PAX8: variants seen among roughly 807,000 people sequenced by gnomAD.
PAX8 encodes the protein paired box protein Pax-8.
A neutral mutation model predicts 52.4 loss-of-function variants in PAX8; 15 were observed. The ratio of observed to expected loss-of-function variants is 0.29; its 90% CI spans 0.19 to 0.44. The LOEUF (loss-of-function observed/expected upper bound fraction) is 0.44, where lower values mean the gene tolerates loss of function less well. Among genes scored for constraint, PAX8 ranks in the 20% least tolerant of loss-of-function variants. PAX8 has a pLI of 1.00. For missense variants in PAX8, 554 were observed against 602.5 expected (o/e 0.92, Z 0.84); for synonymous variants, 284 against 249.7 (o/e 1.14, Z -1.29).
rs778591129 is a variant in PAX8 at position 113,242,656 on chromosome 2, G to A, written c.478+34C>T. On this transcript the variant is annotated intron_variant, in intron 5 of 11. Transcript: ENST00000429538. The stretch of plus-strand genomic sequence containing the variant: ...TATGCTGAAGGGGAGGTGTACACGA[G>A]CATGTGTGTGTATCCAGGTCTCTCA... 40 of 1,417,550 alleles carry A rather than the reference G, an allele frequency of 2.8e-5. 1 individual carries two copies. In the East Asian group the frequency reaches 8.4e-4, roughly 30 times the overall value. 87.8% of individuals were successfully genotyped at this position (1,417,550 alleles called of 1,614,324 possible). A position where few individuals can be genotyped will look rare whatever the true frequency, so the allele number is the denominator to read the frequency against.
intron 2 of PAX8, among the ~76,000 whole-genome samples, chr2:113,251,541 G>A (rs1227284195): frequency 6.6e-6 from 1 of 152,148 alleles, no homozygotes; most frequent in Admixed American, 6.6e-5. Flanking sequence ...GTACTCAGAC[G>A]GGAAATGCAA....
intron 2 of PAX8, among the ~76,000 whole-genome samples, chr2:113,251,985 G>T (rs1410969855): frequency 6.6e-6 from 1 of 152,200 alleles, no homozygotes; most frequent in Admixed American, 6.5e-5. Flanking sequence ...GTTTACATTG[G>T]TTATGGTTGT....
intron 7 of PAX8, chr2:113,240,317 C>T (rs967731173): frequency 1.0e-4 from 16 of 152,406 alleles, no homozygotes; most frequent in African/African-American, 3.8e-4. Context: ...TGCAGATTGC[C>T]TGCCCAGCTG....
rs545986035 is a variant in PAX8 at position 113,276,964 on chromosome 2, G to A, written c.25+1406C>T. Among the ~76,000 whole-genome samples, 11 of 152,350 alleles carry A rather than the reference G, an allele frequency of 7.2e-5. No homozygotes were observed. In the South Asian group the frequency reaches 2.1e-3, roughly 29 times the overall value. On this transcript the variant is annotated intron_variant, in intron 2 of 11. Coordinates refer to ENST00000429538, the MANE Select transcript of PAX8 (RefSeq NM_003466.4). ...ATGTCTGGTATCGTACCACGGTTTG[G>A]CTAAAGATTAAGGGACTAAAACCTG...
chr2:113,223,728 C>T (rs1689388399), intron 10 of PAX8, among the ~76,000 whole-genome samples: 1 of 152,216 alleles, frequency 6.6e-6, no homozygotes, highest in Non-Finnish European at 1.5e-5. Flanking sequence ...ATTGTCTTCA[C>T]AGACAATAAA....
chr2:113,266,240 A>G (rs1693046061), intron 2 of PAX8: 1 of 152,054 alleles, frequency 6.6e-6, no homozygotes, highest in South Asian at 2.1e-4. Context: ...TGGGATGGAA[A>G]CCTCAGGGGT....
intron 2 of PAX8, among the ~76,000 whole-genome samples, chr2:113,251,660 T>C (rs1349463283): frequency 6.6e-6 from 1 of 152,186 alleles, no homozygotes; most frequent in African/African-American, 2.4e-5. Flanking sequence ...AAAGTGACCA[T>C]TCAGGGAGGT....
intron 2 of PAX8, 27 bp downstream of exon 2, chr2:113,278,343 G>A (rs912893310): frequency 6.5e-7 from 1 of 1,537,096 alleles, no homozygotes; most frequent in African/African-American, 1.4e-5. Context: ...CGGGGGCTCG[G>A]GGATCCTGAC....
chr2:113,271,116 T>TCCCAAA (rs1269454158), intron 2 of PAX8: 1 of 152,280 alleles, frequency 6.6e-6, no homozygotes, highest in African/African-American at 2.4e-5. Context: ...GCAGAGGGGA[T>TCCCAAA]GAACCTAAGC....
In PAX8 at chr2:113,226,010, G is replaced by A. The variant is rs1043423413; in HGVS notation, c.1189+1145C>T. 13 of 985,502 alleles carry A rather than the reference G, an allele frequency of 1.3e-5. No individual in the cohort carries two copies. The East Asian group carries it at 4.5e-4, about 34-fold the overall frequency. 61.0% of individuals were successfully genotyped at this position (985,502 alleles called of 1,614,324 possible). A position where few individuals can be genotyped will look rare whatever the true frequency, so the allele number is the denominator to read the frequency against. The stretch of plus-strand genomic sequence containing the variant: ...GGAGTCAGTATTCTGTATTTTCAAC[G>A]CTGCATTAAGCACATCGCCACGGTA... On this transcript the variant is annotated intron_variant, in intron 10 of 11. Coordinates refer to ENST00000429538, the MANE Select transcript of PAX8 (RefSeq NM_003466.4).
chr2:113,278,256 C>A (rs1693970441), intron 2 of PAX8, 114 bp downstream of exon 2: 16 of 857,750 alleles, frequency 1.9e-5, no homozygotes, highest in East Asian at 1.9e-4. Flanking sequence ...GGTCCCCACG[C>A]GGGTGGGTCC....
chr2:113,249,167 G>C (rs1691569190), intron 2 of PAX8, among the ~76,000 whole-genome samples: 1 of 152,264 alleles, frequency 6.6e-6, no homozygotes, highest in African/African-American at 2.4e-5. Flanking sequence ...TCTCCACTAG[G>C]GCTGGAAGAG....
At chr2:113,256,275 G>T (rs889303676) in intron 2 of PAX8, among the ~76,000 whole-genome samples, 3 of 152,222 alleles carry the variant, frequency 2.0e-5, no homozygotes, top group Admixed American at 2.0e-4. Flanking sequence ...CTGCTCCTCA[G>T]CCTGGAGGAA....
chr2:113,227,290 C>A (rs765012301), intron 9 of PAX8, 34 bp from the exon 10 acceptor site: 1 of 1,517,820 alleles, frequency 6.6e-7, no homozygotes, highest in African/African-American at 1.4e-5. Flanking sequence ...GTCAGTTGGA[C>A]CATGGGGGCT....
In PAX8 at chr2:113,236,741, C is replaced by T. The variant is rs958632411; in HGVS notation, c.778-20G>A. On this transcript the variant is annotated intron_variant, in intron 7 of 11. Coordinates refer to ENST00000429538, the MANE Select transcript of PAX8 (RefSeq NM_003466.4). ...GAGGCCCTGGGGAGCAAAGAGAAGT[C>T]AGCGCACAGAGACGATCCAACAAGC... is the stretch of plus-strand genomic sequence containing the variant. The T allele has an allele frequency of 2.6e-6, 4 of 1,549,820 alleles. No individual in the cohort carries two copies. The African/African-American group carries it at 5.5e-5, about 21-fold the overall frequency.
intron 2 of PAX8, among the ~76,000 whole-genome samples, chr2:113,262,129 C>T (rs918500990): frequency 2.3e-4 from 35 of 152,112 alleles, no homozygotes; most frequent in Admixed American, 1.6e-3. Context: ...TGTGCCCGGC[C>T]GATTTTAGGT....
At chr2:113,278,686 T>C in intron 1 of PAX8, 145 bp downstream of exon 1, 2 of 629,066 alleles carry the variant, frequency 3.2e-6, no homozygotes, top group Non-Finnish European at 5.2e-6. Context: ...GACTCCAACC[T>C]CCGTGCCCAC....
intron 4 of PAX8, among the ~76,000 whole-genome samples, chr2:113,243,568 T>C (rs1306006460): frequency 1.3e-5 from 2 of 152,150 alleles, no homozygotes; most frequent in African/African-American, 2.4e-5. Flanking sequence ...ATTTTTGCAT[T>C]TTTAGAAGAG....
rs1693967332 is a variant in PAX8 at position 113,278,231 on chromosome 2, C to T, written c.25+139G>A. ...GCGGCTCCAGCGGAGGGCCAGGCCCCAGGCGCCCCAGCTGGGTCCCCACGC... is the reference window on the plus strand; with the variant it reads ...GCGGCTCCAGCGGAGGGCCAGGCCCTAGGCGCCCCAGCTGGGTCCCCACGC... On this transcript the variant is annotated intron_variant, in intron 2 of 11. Transcript: ENST00000429538. The T allele has an allele frequency of 7.6e-6, 5 of 656,776 alleles. No homozygotes were observed. The Admixed American group carries it at 8.2e-5, about 11-fold the overall frequency. 40.7% of individuals were successfully genotyped at this position (656,776 alleles called of 1,614,324 possible).
Sources: gnomAD v4.1 joint callset for allele counts (sites outside exome capture counted in the v4.1 genomes callset) on GRCh38, gnomAD v4.1.1 for gene constraint, MANE v1.5 for transcripts, NCBI Gene and HGNC (gene_info 2026-07-23, HGNC 2026-07-21) for gene names.